DAP3: variants seen among roughly 807,000 people sequenced by gnomAD.
DAP3 encodes the protein small ribosomal subunit protein mS29.
Under a neutral mutation model 51.9 loss-of-function variants are expected in DAP3, and 28 were observed. That is an observed-to-expected ratio of 0.54 (90% confidence interval 0.40 to 0.74). The LOEUF (loss-of-function observed/expected upper bound fraction) is 0.74, where lower values mean the gene tolerates loss of function less well. DAP3 is among the 30% of genes least tolerant of loss of function. DAP3 has a pLI of 0.00. For missense variants in DAP3, 458 were observed against 483.5 expected (o/e 0.95, Z 0.49); for synonymous variants, 170 against 170.3 (o/e 1.00, Z 0.01).
intron 3 of DAP3, 127 bp downstream of exon 3, chr1:155,717,255 G>A: frequency 7.0e-7 from 1 of 1,419,616 alleles, no homozygotes; most frequent in Non-Finnish European, 9.5e-7. Flanking sequence ...TAGTGCACCT[G>A]AGATAGCACT....
chr1:155,695,388 G>A (rs770452659), intron 1 of DAP3, among the ~76,000 whole-genome samples: 1 of 152,194 alleles, frequency 6.6e-6, no homozygotes, highest in Non-Finnish European at 1.5e-5. Flanking sequence ...GGACGATGTT[G>A]TACAATGTCC....
At chr1:155,732,475 C>T (rs58374542) in intron 11 of DAP3, among the ~76,000 whole-genome samples, 3,022 of 152,188 alleles carry the variant, frequency 0.02, 106 homozygotes, top group African/African-American at 0.07. Context: ...AAGTGATCCG[C>T]CTACCTCAGC....
At position 155,712,960 on chromosome 1, in the gene DAP3, T is replaced by A. The variant is rs530780043; in HGVS notation, c.45+3136T>A. 2.6e-4 allele frequency among the ~76,000 whole-genome samples: 39 copies of A among 152,300 alleles called. No individual in the cohort carries two copies. In the South Asian group the frequency reaches 7.9e-3, roughly 31 times the overall value. ...GGGTGTGTTATTCAGATTGCTACCC[T>A]GAAGTAACAAGCCTTGTATTCTCAG... is the stretch of plus-strand genomic sequence containing the variant. On this transcript the variant is annotated intron_variant, in intron 2 of 12. Coordinates refer to ENST00000368336, the MANE Select transcript of DAP3 (RefSeq NM_004632.4).
chr1:155,709,647 T>G, intron 1 of DAP3, 126 bp from the exon 2 acceptor site: 1 of 653,314 alleles, frequency 1.5e-6, no homozygotes, highest in Non-Finnish European at 2.3e-6. Context: ...GCTGTAGGCA[T>G]TCTTTATATA....
chr1:155,733,752 G>A (rs1377864815), intron 11 of DAP3, among the ~76,000 whole-genome samples: 1 of 152,084 alleles, frequency 6.6e-6, no homozygotes, highest in Admixed American at 6.6e-5. Flanking sequence ...CAGAAGAATC[G>A]GTTGAACCCA....
At chr1:155,730,623 TAAAAA>T (rs1260919798) in intron 9 of DAP3, among the ~76,000 whole-genome samples, 2 of 147,892 alleles carry the variant, frequency 1.4e-5, no homozygotes, top group African/African-American at 5.0e-5. Flanking sequence ...CTCAAAAAAA[TAAAAA>T]AAAAGAAAAG....
At chr1:155,710,229 C>CT (rs537481688) in intron 2 of DAP3, 1,574 of 137,046 alleles carry the variant, frequency 0.011, 15 homozygotes, top group Admixed American at 0.017. Context: ...TTTTTCAGTA[C>CT]TTTTTTTTTT....
chr1:155,714,257 G>A (rs189854289), intron 2 of DAP3, among the ~76,000 whole-genome samples: 1 of 151,972 alleles, frequency 6.6e-6, no homozygotes, highest in Admixed American at 6.6e-5. Context: ...TTATTGTCGG[G>A]GTCTCACTGT....
intron 11 of DAP3, among the ~76,000 whole-genome samples, chr1:155,733,139 G>A (rs1446988832): frequency 6.6e-6 from 1 of 152,200 alleles, no homozygotes; most frequent in Non-Finnish European, 1.5e-5. Flanking sequence ...CTATTTTGTA[G>A]GTCACTTTTT....
At chr1:155,721,423 T>TAC (rs1658002528) in intron 3 of DAP3, 94 bp from the exon 4 acceptor site, 2 of 746,036 alleles carry the variant, frequency 2.7e-6, no homozygotes, top group East Asian at 2.7e-5. Context: ...TATATACACA[T>TAC]AGACATACAT....
chr1:155,712,337 G>C (rs1018915906), intron 2 of DAP3, among the ~76,000 whole-genome samples: 3 of 152,060 alleles, frequency 2.0e-5, no homozygotes, highest in African/African-American at 4.8e-5. Context: ...TGTAGGCCAG[G>C]CATGGTGGCT....
upstream of DAP3, chr1:155,688,914 TC>T: frequency 6.2e-7 from 1 of 1,613,024 alleles, no homozygotes; most frequent in Non-Finnish European, 8.5e-7. Context: ...GCCGGCCGAG[TC>T]CCATGACAAC....
chr1:155,721,560 C>T lies in DAP3; in HGVS notation c.212C>T (p.Ser71Phe), dbSNP rs112771778. Residue 71 changes from serine (S) to phenylalanine (F), a missense_variant, in exon 4 of 13, where the codon TCC (serine) becomes TTC (phenylalanine). By Grantham distance (155) the Ser-to-Phe change is radical. Transcript: ENST00000368336. ...CACGAGGGTCAGCACTACAACATCT[C>T]CCCCCAGGATTTGGAGACTGTATTT... is the stretch of plus-strand genomic sequence containing the variant. ...DQHEGQHYNISPQDLETVFPH... is the reference protein window; with the variant it reads ...DQHEGQHYNIFPQDLETVFPH... 51 of 1,613,886 alleles carry T rather than the reference C, an allele frequency of 3.2e-5. No individual in the cohort carries two copies. Among genetic ancestry groups the T allele is most frequent in the African/African-American group, 1.7e-4 (13 of 74,878 alleles).
At chr1:155,714,480 G>A (rs1253507051) in intron 2 of DAP3, among the ~76,000 whole-genome samples, 1 of 152,150 alleles carries the variant, frequency 6.6e-6, no homozygotes, top group Admixed American at 6.6e-5. Context: ...AATGTTATGT[G>A]TTGGCTGGGC....
intron 9 of DAP3, 146 bp downstream of exon 9, chr1:155,729,512 G>A: frequency 8.8e-7 from 1 of 1,132,412 alleles, no homozygotes; most frequent in Admixed American, 2.8e-5. Flanking sequence ...GGGTGCAGTG[G>A]CTCACGCCTG....
In DAP3 at chr1:155,705,937, G is replaced by A. The variant is rs190231327; in HGVS notation, c.-7-3836G>A. 2.3e-4 allele frequency among the ~76,000 whole-genome samples: 35 copies of A among 152,162 alleles called. No individual in the cohort carries two copies. In the East Asian group the frequency reaches 6.6e-3, roughly 29 times the overall value. On this transcript the variant is annotated intron_variant, in intron 1 of 12. Transcript: ENST00000368336. The stretch of plus-strand genomic sequence containing the variant: ...GCTGGTCTTGAACTCCTGAGCTCAG[G>A]CAGTCCATCCATCTCGGCCTCCCAA...
At position 155,706,336 on chromosome 1, in the gene DAP3, C is replaced by T. The variant is rs1431592318; in HGVS notation, c.-7-3437C>T. ...GATTCTCTTGACTGTACTATAAATT[C>T]CTTGACTATAAGATCAGGGACTATA... On this transcript the variant is annotated intron_variant, in intron 1 of 12. Coordinates refer to ENST00000368336, the MANE Select transcript of DAP3 (RefSeq NM_004632.4). 2.0e-5 allele frequency among the ~76,000 whole-genome samples: 3 copies of T among 152,140 alleles called. No individual in the cohort carries two copies. In the South Asian group the frequency reaches 6.2e-4, roughly 31 times the overall value.
chr1:155,696,391 G>C (rs1654513086), intron 1 of DAP3, among the ~76,000 whole-genome samples: 1 of 151,928 alleles, frequency 6.6e-6, no homozygotes, highest in Non-Finnish European at 1.5e-5. Context: ...ATTAGACATA[G>C]CATAAGTAGA....
At chr1:155,723,573 C>T (rs781234980) in intron 4 of DAP3, among the ~76,000 whole-genome samples, 1 of 152,118 alleles carries the variant, frequency 6.6e-6, no homozygotes, top group Non-Finnish European at 1.5e-5. Flanking sequence ...AGGTGATCCA[C>T]CTGTCTTGGC....
Sources: gnomAD v4.1 joint callset for allele counts (sites outside exome capture counted in the v4.1 genomes callset) on GRCh38, gnomAD v4.1.1 for gene constraint, MANE v1.5 for transcripts, NCBI Gene and HGNC (gene_info 2026-07-23, HGNC 2026-07-21) for gene names.